Variants in AKAP13 observed in about 807,000 individuals in gnomAD.
AKAP13 encodes the protein A-kinase anchoring protein 13.
Under a neutral mutation model 264.5 loss-of-function variants are expected in AKAP13, and 80 were observed. The ratio of observed to expected loss-of-function variants is 0.30; its 90% CI spans 0.25 to 0.36. The LOEUF (loss-of-function observed/expected upper bound fraction) is 0.36, where lower values mean the gene tolerates loss of function less well. Ranked by LOEUF, AKAP13 falls within the 10% of genes least tolerant of loss-of-function variation. The pLI, the probability that AKAP13 is intolerant of heterozygous loss-of-function variation, is 1.00. For missense variants in AKAP13, 3,712 were observed against 3,435.2 expected (o/e 1.08, Z -2.01); for synonymous variants, 1,380 against 1,250.2 (o/e 1.10, Z -2.19).
rs1050349909 is a variant in AKAP13 at position 85,644,244 on chromosome 15, T to G, written c.4238-1574T>G. On this transcript the variant is annotated intron_variant, in intron 9 of 36. Transcript: ENST00000394518. ...ATGACTTTTATCTTCTTTTTTTTTT[T>G]TTTTGGAAATGAAGTTGCTCTCTGT... 4.6e-5 allele frequency among the ~76,000 whole-genome samples: 7 copies of G among 151,580 alleles called. No individual in the cohort carries two copies. In the South Asian group the frequency reaches 1.5e-3, roughly 32 times the overall value.
chr15:85,500,049 G>T (rs1177106659), intron 2 of AKAP13, among the ~76,000 whole-genome samples: 1 of 152,160 alleles, frequency 6.6e-6, no homozygotes. Flanking sequence ...ATAAATGTCT[G>T]ATTTGCCAAA....
chr15:85,551,124 C>T (rs2077948166), intron 5 of AKAP13, among the ~76,000 whole-genome samples: 1 of 152,088 alleles, frequency 6.6e-6, no homozygotes, highest in Non-Finnish European at 1.5e-5. Context: ...GGCTTTTAAC[C>T]TAATTAATTT....
intron 8 of AKAP13, among the ~76,000 whole-genome samples, chr15:85,617,356 G>C (rs1409708324): frequency 6.6e-6 from 1 of 152,176 alleles, no homozygotes; most frequent in Non-Finnish European, 1.5e-5. Context: ...CGATTCTCCT[G>C]CCTCAGCCTC....
At chr15:85,513,353 T>A (rs1414213385) in intron 2 of AKAP13, among the ~76,000 whole-genome samples, 1 of 152,116 alleles carries the variant, frequency 6.6e-6, no homozygotes, top group East Asian at 1.9e-4. Context: ...CAGTTTTTTG[T>A]GGGAAGCCTT....
At chr15:85,428,856 C>T (rs2072909761) in intron 1 of AKAP13, among the ~76,000 whole-genome samples, 1 of 152,218 alleles carries the variant, frequency 6.6e-6, no homozygotes, top group Non-Finnish European at 1.5e-5. Context: ...TCATTATTTT[C>T]ATTATCTTAC....
intron 8 of AKAP13, among the ~76,000 whole-genome samples, chr15:85,586,716 G>T (rs896595097): frequency 6.6e-6 from 1 of 151,976 alleles, no homozygotes; most frequent in Non-Finnish European, 1.5e-5. Context: ...ACCTGAGGTC[G>T]GAAGTTCAAG....
At chr15:85,442,524 T>TTA (rs1555430016) in intron 1 of AKAP13, among the ~76,000 whole-genome samples, 4 of 113,472 alleles carry the variant, frequency 3.5e-5, no homozygotes, top group Non-Finnish European at 5.4e-5. Flanking sequence ...ATATATTATA[T>TTA]TATATATAAT....
chr15:85,653,170 A>C (rs2082940363), intron 10 of AKAP13, among the ~76,000 whole-genome samples: 1 of 152,200 alleles, frequency 6.6e-6, no homozygotes, highest in African/African-American at 2.4e-5. Context: ...AATAATACCT[A>C]CCACAATTTA....
intron 9 of AKAP13, among the ~76,000 whole-genome samples, chr15:85,640,886 T>A (rs1372232267): frequency 6.6e-6 from 1 of 152,216 alleles, no homozygotes; most frequent in Admixed American, 6.5e-5. Flanking sequence ...AACCCCTGGA[T>A]GTTTTCCCCA....
chr15:85,586,435 C>T (rs1328029803), intron 8 of AKAP13, among the ~76,000 whole-genome samples: 1 of 152,006 alleles, frequency 6.6e-6, no homozygotes, highest in Non-Finnish European at 1.5e-5. Context: ...TCGAACTGGC[C>T]TCAAGTGATC....
intron 3 of AKAP13, among the ~76,000 whole-genome samples, chr15:85,524,264 A>G (rs1024753116): frequency 1.4e-5 from 2 of 141,338 alleles, no homozygotes; most frequent in Admixed American, 7.8e-5. Context: ...TGCAACCTCC[A>G]TCTCCTGGGT....
chr15:85,535,926 A>G (rs975432244), intron 4 of AKAP13: 13 of 151,998 alleles, frequency 8.6e-5, no homozygotes, highest in African/African-American at 3.1e-4. Context: ...TAGCCTCCCA[A>G]GTAGCTGGGA....
chr15:85,511,001 G>A lies in AKAP13; in HGVS notation c.34-10427G>A, dbSNP rs552975260. 1.1e-4 allele frequency among the ~76,000 whole-genome samples: 16 copies of A among 152,184 alleles called. No individual in the cohort carries two copies. The South Asian group carries it at 3.3e-3, about 32-fold the overall frequency. ...GGGCCATTTCTGGGTTCAAGGCACAGGAATAGATAGATGAAAGATATGTTA... is the reference window on the plus strand; with the variant it reads ...GGGCCATTTCTGGGTTCAAGGCACAAGAATAGATAGATGAAAGATATGTTA... On this transcript the variant is annotated intron_variant, in intron 2 of 36. Transcript: ENST00000394518.
rs1032305987 is a variant in AKAP13 at position 85,726,976 on chromosome 15, C to T, written c.6823-90C>T. 9.9e-6 allele frequency: 14 copies of T among 1,408,868 alleles called. No individual in the cohort carries two copies. The African/African-American group carries it at 1.7e-4, about 17-fold the overall frequency. 87.3% of individuals were successfully genotyped at this position (1,408,868 alleles called of 1,614,324 possible). ...TTTTTCAAACTATGTGCTTTTTTAA[C>T]AGCATCTGGTCTTACCTTAGATTGA... On this transcript the variant is annotated intron_variant, in intron 27 of 36. Coordinates refer to ENST00000394518, the MANE Select transcript of AKAP13 (RefSeq NM_007200.5).
At chr15:85,404,464 CAT>C (rs1474877291) in intron 1 of AKAP13, among the ~76,000 whole-genome samples, 2 of 152,180 alleles carry the variant, frequency 1.3e-5, no homozygotes, top group African/African-American at 4.8e-5. Context: ...ATTTGAGAAA[CAT>C]ATATTGATTA....
intron 16 of AKAP13, among the ~76,000 whole-genome samples, chr15:85,687,299 A>T (rs1414259767): frequency 6.6e-6 from 1 of 152,214 alleles, no homozygotes; most frequent in African/African-American, 2.4e-5. Flanking sequence ...ACAAAATGTT[A>T]CTATACAGCG....
chr15:85,453,631 C>G (rs2074171870), intron 1 of AKAP13, among the ~76,000 whole-genome samples: 1 of 152,110 alleles, frequency 6.6e-6, no homozygotes, highest in Admixed American at 6.5e-5. Context: ...GCAGTCTGGC[C>G]ACATTTTGGT....
At chr15:85,391,463 A>G (rs922184594) in intron 1 of AKAP13, among the ~76,000 whole-genome samples, 7 of 149,370 alleles carry the variant, frequency 4.7e-5, no homozygotes, top group African/African-American at 1.5e-4. Context: ...CAGAGTGTAT[A>G]TTTGTCTTTA....
intron 3 of AKAP13, 51 bp downstream of exon 3, chr15:85,521,626 T>C (rs1187895574): frequency 1.9e-6 from 3 of 1,580,246 alleles, no homozygotes; most frequent in Non-Finnish European, 2.6e-6. Context: ...CTTAAACCCT[T>C]TTATTCGATG....
Sources: allele counts gnomAD v4.1 joint callset (sites outside exome capture counted in the v4.1 genomes callset), GRCh38; gene constraint gnomAD v4.1.1; transcripts MANE v1.5; gene names NCBI Gene and HGNC (gene_info 2026-07-23, HGNC 2026-07-21).